The following ABL1 variants were observed in gnomAD, a reference collection of about 807,000 sequenced individuals.
ABL1 encodes ABL proto-oncogene 1, non-receptor tyrosine kinase.
A neutral mutation model predicts 94.7 loss-of-function variants in ABL1; 11 were observed. The observed-to-expected ratio is 0.12, with a 90% CI of 0.07 to 0.19. ABL1 has a LOEUF of 0.19. Among genes scored for constraint, ABL1 ranks in the 10% least tolerant of loss-of-function variants. ABL1 has a pLI of 1.00. For missense variants in ABL1, 1,082 were observed against 1,489.4 expected, an observed-to-expected ratio of 0.73 and a Z score of 4.50; for synonymous variants, 656 against 622.4, an observed-to-expected ratio of 1.05 and a Z score of -0.80.
rs905236117 is a variant in ABL1 at position 130,813,212 on chromosome 9, G to GA, written c.137-40845dup. Among the ~76,000 whole-genome samples, 6 of 149,746 alleles carry GA rather than the reference G, an allele frequency of 4.0e-5. No individual in the cohort carries two copies. In the East Asian group the frequency reaches 1.2e-3, roughly 30 times the overall value. ...CTGGGCAACAGTGAGACTCCGTCTCGAAAAAAACAAACAAACAAAAGCCTC... is the reference window on the plus strand; with the variant it reads ...CTGGGCAACAGTGAGACTCCGTCTCGAAAAAAAACAAACAAACAAAAGCCTC... On this transcript the variant is annotated intron_variant, in intron 1 of 10. Coordinates refer to the ABL1 transcript ENST00000372348.
rs1056401844 is a variant in ABL1, at chr9:130,847,022, A to G, written c.80-7042A>G. Among the ~76,000 whole-genome samples, 12 of 152,138 alleles carry G rather than the reference A, an allele frequency of 7.9e-5. 1 individual carries two copies. Among genetic ancestry groups the G allele is most frequent in the African/African-American group, 2.9e-4 (12 of 41,524 alleles). ...TCCAAATAATTTTATACTGTCATAGACAGAGCCAGAGCTTTTTAGAGGTTT... is the reference window on the plus strand; with the variant it reads ...TCCAAATAATTTTATACTGTCATAGGCAGAGCCAGAGCTTTTTAGAGGTTT... On this transcript the variant is annotated intron_variant, in intron 1 of 10. Transcript: ENST00000318560.
chr9:130,860,941 C>T (rs1459751015), intron 3 of ABL1, among the ~76,000 whole-genome samples: 1 of 152,204 alleles, frequency 6.6e-6, no homozygotes, highest in Non-Finnish European at 1.5e-5. Context: ...GCGTGGACGT[C>T]ACCGTGTGGT....
chr9:130,761,308 A>G (rs1258637247), intron 1 of ABL1, among the ~76,000 whole-genome samples: 1 of 151,860 alleles, frequency 6.6e-6, no homozygotes, highest in Non-Finnish European at 1.5e-5. Flanking sequence ...CCTTTGGCAT[A>G]CCATTAAAAT....
chr9:130,742,931 A>T (rs1831838248), intron 1 of ABL1, among the ~76,000 whole-genome samples: 1 of 152,194 alleles, frequency 6.6e-6, no homozygotes, highest in African/African-American at 2.4e-5. Flanking sequence ...TTAAAACTTT[A>T]AAAAATGCGT....
At chr9:130,876,733 C>A (rs371810835) in intron 7 of ABL1, among the ~76,000 whole-genome samples, 2 of 83,196 alleles carry the variant, frequency 2.4e-5, no homozygotes, top group South Asian at 4.1e-4. Flanking sequence ...AAGTTGGTTT[C>A]TTTTTTTTTT....
chr9:130,761,160 G>A (rs1832109801), intron 1 of ABL1, among the ~76,000 whole-genome samples: 1 of 152,034 alleles, frequency 6.6e-6, no homozygotes, highest in South Asian at 2.1e-4. Context: ...GTAGAGACAG[G>A]GTTTCACTGT....
intron 1 of ABL1, among the ~76,000 whole-genome samples, chr9:130,777,311 G>C (rs548807221): frequency 2.0e-5 from 3 of 152,232 alleles, no homozygotes; most frequent in Non-Finnish European, 4.4e-5. Flanking sequence ...TGTGGATGGG[G>C]TTGTCCATTG....
intron 1 of ABL1, among the ~76,000 whole-genome samples, chr9:130,848,495 GCGA>G (rs779501504): frequency 2.0e-5 from 3 of 148,930 alleles, no homozygotes; most frequent in Non-Finnish European, 4.4e-5. Context: ...TTCAGCCTGG[GCGA>G]TGGAGTGAGA....
At chr9:130,850,246 A>C (rs967595605) in intron 1 of ABL1, among the ~76,000 whole-genome samples, 41 of 152,230 alleles carry the variant, frequency 2.7e-4, no homozygotes, top group African/African-American at 9.9e-4. Flanking sequence ...TTCTAGGAAA[A>C]TTAAGATGAA....
At position 130,878,438 on chromosome 9, in the gene ABL1, A is replaced by G; in HGVS notation, c.1294A>G (p.Ile432Val). ...VWAFGVLLWEIATYGMSPYPG... is the reference protein window; with the variant it reads ...VWAFGVLLWEVATYGMSPYPG... ...AGCATTTGGAGTATTGCTTTGGGAA[A>G]TTGCTACCTATGGCATGTCCCCTTA... Residue 432 changes from isoleucine to valine, a missense_variant, in exon 8 of 11, where the codon ATT (isoleucine) becomes GTT (valine). Physicochemically the swap from Ile to Val is conservative, Grantham distance 29. Around this residue, in one of 7 missense-constraint regions of ABL1, gnomAD observed 76 missense variants for 177.1 expected, o/e 0.43. Coordinates refer to ENST00000318560, the MANE Select transcript of ABL1 (RefSeq NM_005157.6). 2 of 1,614,196 alleles carry G rather than the reference A, an allele frequency of 1.2e-6. No homozygotes were observed. The highest frequency in any genetic ancestry group is 1.7e-6 in the Non-Finnish European group (2 of 1,180,032).
At chr9:130,794,674 T>G (rs969248513) in intron 1 of ABL1, among the ~76,000 whole-genome samples, 1 of 152,206 alleles carries the variant, frequency 6.6e-6, no homozygotes, top group South Asian at 2.1e-4. Context: ...TCATAACTGG[T>G]GATCACTGTT....
At chr9:130,739,304 C>G (rs906618453) in intron 1 of ABL1, among the ~76,000 whole-genome samples, 5 of 151,796 alleles carry the variant, frequency 3.3e-5, no homozygotes, top group Non-Finnish European at 2.9e-5. Context: ...TAGTTCGTAG[C>G]ATCCTCAGCA....
chr9:130,788,393 A>G (rs1433556689), intron 1 of ABL1, among the ~76,000 whole-genome samples: 1 of 152,220 alleles, frequency 6.6e-6, no homozygotes, highest in Non-Finnish European at 1.5e-5. Flanking sequence ...GTAGGTCACA[A>G]CATTTTGTCC....
chr9:130,877,557 C>G (rs1253795387), intron 7 of ABL1, among the ~76,000 whole-genome samples: 1 of 147,626 alleles, frequency 6.8e-6, no homozygotes, highest in Non-Finnish European at 1.5e-5. Flanking sequence ...TAAAAGACCC[C>G]ACAGGGTCTG....
chr9:130,827,268 G>A (rs938113414), intron 1 of ABL1, among the ~76,000 whole-genome samples: 3 of 152,158 alleles, frequency 2.0e-5, no homozygotes, highest in Non-Finnish European at 4.4e-5. Flanking sequence ...GCCTAATAAG[G>A]AAGAGATTGA....
rs59830157 is a variant in ABL1, at chr9:130,750,202, T to C, written c.136+35747T>C. 6.7e-3 allele frequency among the ~76,000 whole-genome samples: 150 copies of C among 22,490 alleles called. 4 individuals carry two copies. The highest frequency in any genetic ancestry group is 0.061 in the African/African-American group (111 of 1,814). The allele number at this position is 22,490 out of a possible 152,430, so 14.8% of individuals were successfully genotyped here. A position where few individuals can be genotyped will look rare whatever the true frequency, so the allele number is the denominator to read the frequency against. ...AAGAAAAAAAAAATACATATATATA[T>C]ATATATATATATATATATATATATA... is the stretch of plus-strand genomic sequence containing the variant. On this transcript the variant is annotated intron_variant, in intron 1 of 10. Coordinates refer to the ABL1 transcript ENST00000372348.
At chr9:130,727,123 GTGT>G (rs2132685551) in intron 1 of ABL1, among the ~76,000 whole-genome samples, 1 of 152,114 alleles carries the variant, frequency 6.6e-6, no homozygotes, top group African/African-American at 2.4e-5. Context: ...AAAAAAGTTT[GTGT>G]TGTTGCATGT....
chr9:130,809,001 C>T (rs1158825671), intron 1 of ABL1, among the ~76,000 whole-genome samples: 5 of 152,130 alleles, frequency 3.3e-5, no homozygotes, highest in African/African-American at 7.2e-5. Context: ...GTTTCCAGAC[C>T]GCGGTGCGGG....
At chr9:130,816,055 C>A (rs909249937) in intron 1 of ABL1, among the ~76,000 whole-genome samples, 5 of 152,014 alleles carry the variant, frequency 3.3e-5, no homozygotes, top group Non-Finnish European at 7.4e-5. Context: ...AGCACCAGAG[C>A]CCTGGCAGTC....
Sources: allele counts gnomAD v4.1 joint callset (sites outside exome capture counted in the v4.1 genomes callset), GRCh38; gene constraint gnomAD v4.1.1; regional missense constraint gnomAD v4.1.1; transcripts MANE v1.5; gene names NCBI Gene and HGNC (gene_info 2026-07-23, HGNC 2026-07-21).